Variants in HOXD1 observed in about 807,000 individuals in gnomAD.
HOXD1 encodes the protein homeobox D1.
A neutral mutation model predicts 19.9 loss-of-function variants in HOXD1; 17 were observed. That is an observed-to-expected ratio of 0.85 (90% confidence interval 0.58 to 1.28). The LOEUF is 1.28. HOXD1 is among the 50% of genes most tolerant of loss of function. The pLI, the probability that HOXD1 is intolerant of heterozygous loss-of-function variation, is 0.00. For synonymous variants in HOXD1, 239 were observed against 216.0 expected (o/e 1.11, Z -0.93); for missense variants, 500 against 460.1 (o/e 1.09, Z -0.79).
At position 176,190,295 on chromosome 2, in the gene HOXD1, C is replaced by T. The variant is rs1235383129; in HGVS notation, c.*153C>T. On this transcript the variant is annotated 3_prime_UTR_variant, in exon 2 of 2. Transcript: ENST00000331462. ...GAAATGAAGTACTTTAGTTGGCTTC[C>T]GAGTTCCAGACTATATGTCCAGATA... 4 of 609,626 alleles carry T rather than the reference C, an allele frequency of 6.6e-6. No homozygotes were observed. The highest frequency in any genetic ancestry group is 5.6e-5 in the African/African-American group (3 of 53,910). 37.8% of individuals were successfully genotyped at this position (609,626 alleles called of 1,614,324 possible). A position where few individuals can be genotyped will look rare whatever the true frequency, so the allele number is the denominator to read the frequency against.
rs374798193 is a variant in HOXD1, at chr2:176,189,802, T to C, written c.653-6T>C. 7 of 1,612,992 alleles carry C rather than the reference T, an allele frequency of 4.3e-6. No individual in the cohort carries two copies. In the African/African-American group the frequency reaches 9.3e-5, roughly 22 times the overall value. ...GCCTGGCTGACGCCCTGTCTTTACG[T>C]TGCAGGCAAACTCGCCGAGTATGGG... is the stretch of plus-strand genomic sequence containing the variant. On this transcript the variant is annotated splice_region_variant and splice_polypyrimidine_tract_variant and intron_variant, in intron 1 of 1. Transcript: ENST00000331462.
In HOXD1 at chr2:176,188,748, C is replaced by G. The variant is rs757163844; in HGVS notation, c.-54C>G. ...GGCGGCAGTCCTGCTCAGCCTCTGC[C>G]CGGCTCCGTACTCCGGCCCCGGCCT... is the stretch of plus-strand genomic sequence containing the variant. On this transcript the variant is annotated 5_prime_UTR_variant, in exon 1 of 2. Transcript: ENST00000331462. 5.7e-6 allele frequency: 9 copies of G among 1,567,572 alleles called. No individual in the cohort carries two copies. The highest frequency in any genetic ancestry group is 2.7e-5 in the African/African-American group (2 of 73,512).
Position 176,188,825 on chromosome 2 carries a change from G to C in HOXD1, c.24G>C (p.Val8=). Residue 8 remains valine, a synonymous_variant, in exon 1 of 2, where the codon GTG becomes GTC. Coordinates refer to ENST00000331462, the MANE Select transcript of HOXD1 (RefSeq NM_024501.3). ...CCATGAGCTCCTACCTGGAGTACGTGTCATGCAGCAGCAGCGGCGGGGTCG... is the reference window on the plus strand; with the variant it reads ...CCATGAGCTCCTACCTGGAGTACGTCTCATGCAGCAGCAGCGGCGGGGTCG... The part of the protein sequence containing the change: MSSYLEY[V]SCSSSGGVGG... The C allele has an allele frequency of 6.2e-7, 1 of 1,608,984 alleles. No homozygotes were observed. The highest frequency in any genetic ancestry group is 8.5e-7 in the Non-Finnish European group (1 of 1,178,334).
In HOXD1 at chr2:176,189,224, G is replaced by T; in HGVS notation, c.423G>T (p.Ser141=). The T allele has an allele frequency of 6.3e-7, 1 of 1,589,718 alleles. No homozygotes were observed. The highest frequency in any genetic ancestry group is 2.3e-5 in the East Asian group (1 of 43,340). ...ACTACGCCACCTCGGCCGTCTTCTC[G>T]GGCGGCGGCTCTTTCCTCCTCAGCG... The part of the protein sequence containing the change: ...HVHYATSAVF[S]GGGSFLLSGQ... The change falls in exon 1 of 2, where the codon TCG becomes TCT. Residue 141 remains serine (S), a synonymous_variant. Coordinates refer to ENST00000331462, the MANE Select transcript of HOXD1 (RefSeq NM_024501.3).
chr2:176,188,753 T>C lies in HOXD1; in HGVS notation c.-49T>C, dbSNP rs1691719203. ...CAGTCCTGCTCAGCCTCTGCCCGGCTCCGTACTCCGGCCCCGGCCTGCGCC... is the reference window on the plus strand; with the variant it reads ...CAGTCCTGCTCAGCCTCTGCCCGGCCCCGTACTCCGGCCCCGGCCTGCGCC... On this transcript the variant is annotated 5_prime_UTR_variant, in exon 1 of 2. Coordinates refer to ENST00000331462, the MANE Select transcript of HOXD1 (RefSeq NM_024501.3). The C allele has an allele frequency of 1.3e-6, 2 of 1,574,334 alleles. No individual in the cohort carries two copies. The highest frequency in any genetic ancestry group is 1.7e-6 in the Non-Finnish European group (2 of 1,156,678).
In HOXD1 at chr2:176,189,882, G is replaced by C. The variant is rs779462638; in HGVS notation, c.727G>C (p.Glu243Gln). The C allele has an allele frequency of 6.2e-7, 1 of 1,614,176 alleles. No homozygotes were observed. The highest frequency in any genetic ancestry group is 1.1e-5 in the South Asian group (1 of 91,082). The part of the protein sequence containing the change: ...RTNFSTKQLT[E>Q]LEKEFHFNKY... ...GAATTTCAGCACCAAGCAACTGACA[G>C]AACTGGAAAAAGAGTTTCATTTCAA... The change falls in exon 2 of 2, where the codon GAA becomes CAA. Residue 243 changes from glutamate (E) to glutamine (Q), a missense_variant. Transcript: ENST00000331462.
chr2:176,189,068 G>A lies in HOXD1; in HGVS notation c.267G>A (p.Gly89=), dbSNP rs754155260. The change falls in exon 1 of 2, where the codon GGG becomes GGA. Residue 89 remains glycine, a synonymous_variant. Coordinates refer to ENST00000331462, the MANE Select transcript of HOXD1 (RefSeq NM_024501.3). ...AGTACGCGCAGTGCACCCTGGAGGG[G>A]GCCTACGAACCTGGTGCCGCACCTG... ...APQYAQCTLE[G]AYEPGAAPAA... is the part of the protein sequence containing the mutation. 45 of 1,481,092 alleles carry A rather than the reference G, an allele frequency of 3.0e-5. No homozygotes were observed. In the South Asian group the frequency reaches 5.8e-4, roughly 19 times the overall value. The allele number at this position is 1,481,092 out of a possible 1,614,324, so 91.7% of individuals were successfully genotyped here.
chr2:176,190,698 A>G lies in HOXD1; in HGVS notation c.*556A>G, dbSNP rs887945190. On this transcript the variant is annotated 3_prime_UTR_variant, in exon 2 of 2. Transcript: ENST00000331462. ...CTCTATGTGCCTGAGTGATGATACA[A>G]TCGCTGTTTAGTTACTAGATGAACA... 2.0e-5 allele frequency: 3 copies of G among 152,750 alleles called. No individual in the cohort carries two copies. The highest frequency in any genetic ancestry group is 1.3e-4 in the Admixed American group (2 of 15,284). 9.5% of individuals were successfully genotyped at this position (152,750 alleles called of 1,614,324 possible).
rs983857113 is a variant in HOXD1 at position 176,188,685 on chromosome 2, G to A, written c.-117G>A. ...GCTCACTCGCCATGGGTTGGAGAGG[G>A]CAGCTCGGGTAGAGAGGGCTGGCGG... On this transcript the variant is annotated 5_prime_UTR_variant, in exon 1 of 2. Transcript: ENST00000331462. 20 of 1,074,744 alleles carry A rather than the reference G, an allele frequency of 1.9e-5. No homozygotes were observed. The highest frequency in any genetic ancestry group is 2.3e-4 in the Middle Eastern group (1 of 4,376). 66.6% of individuals were successfully genotyped at this position (1,074,744 alleles called of 1,614,324 possible). A position where few individuals can be genotyped will look rare whatever the true frequency, so the allele number is the denominator to read the frequency against.
At position 176,188,922 on chromosome 2, in the gene HOXD1, T is replaced by A; in HGVS notation, c.121T>A (p.Phe41Ile). 1 of 1,582,192 alleles carries A rather than the reference T, an allele frequency of 6.3e-7. No individual in the cohort carries two copies. The highest frequency in any genetic ancestry group is 1.4e-5 in the African/African-American group (1 of 73,390). Residue 41 changes from phenylalanine to isoleucine, a missense_variant, in exon 1 of 2, where the codon TTC becomes ATC. Physicochemically the swap from Phe to Ile is conservative, Grantham distance 21 (BLOSUM62 0). Coordinates refer to ENST00000331462, the MANE Select transcript of HOXD1 (RefSeq NM_024501.3). ...CCGGCCCGTGGCTCTGCAGCCCGCC[T>A]TCCCTCTGGGCAACGGCGACGGCGC... ...DARPVALQPA[F>I]PLGNGDGAFV... is the part of the protein sequence containing the mutation.
In HOXD1 at chr2:176,190,484, A is replaced by C; in HGVS notation, c.*342A>C. ...CCATTAGTTGCTGAGTTCTGTCAGC[A>C]CTCTGATGTGCTCAGAAGAGCACCT... On this transcript the variant is annotated 3_prime_UTR_variant, in exon 2 of 2. Coordinates refer to ENST00000331462, the MANE Select transcript of HOXD1 (RefSeq NM_024501.3). 3.4e-6 allele frequency: 1 copy of C among 290,820 alleles called. No individual in the cohort carries two copies. The allele number at this position is 290,820 out of a possible 1,614,324, so 18.0% of individuals were successfully genotyped here. A position where few individuals can be genotyped will look rare whatever the true frequency, so the allele number is the denominator to read the frequency against.
rs558646329 is a variant in HOXD1, at chr2:176,189,840, T to A, written c.685T>A (p.Ser229Thr). Residue 229 changes from serine to threonine, a missense_variant, in exon 2 of 2, where the codon TCC becomes ACC. Transcript: ENST00000331462. ...KLAEYGAASP[S>T]SAIRTNFSTK... ...CGCCGAGTATGGGGCCGCTAGCCCCTCCAGCGCGATCCGCACGAATTTCAG... is the reference window on the plus strand; with the variant it reads ...CGCCGAGTATGGGGCCGCTAGCCCCACCAGCGCGATCCGCACGAATTTCAG... 5 of 1,614,084 alleles carry A rather than the reference T, an allele frequency of 3.1e-6. No individual in the cohort carries two copies. Among genetic ancestry groups the A allele is most frequent in the Non-Finnish European group, 4.2e-6 (5 of 1,180,014 alleles).
Position 176,189,202 on chromosome 2 carries a change from A to G in HOXD1, c.401A>G (p.Tyr134Cys), listed in dbSNP as rs771831751. Reference sequence around the variant, plus strand: ...GACGACGGCGGGTCTCACGTCCACTACGCCACCTCGGCCGTCTTCTCGGGC... The same window carrying G: ...GACGACGGCGGGTCTCACGTCCACTGCGCCACCTCGGCCGTCTTCTCGGGC... ...AADDGGSHVH[Y>C]ATSAVFSGGG... The change falls in exon 1 of 2, where the codon TAC (tyrosine) becomes TGC (cysteine). Residue 134 changes from tyrosine to cysteine, a missense_variant. Coordinates refer to ENST00000331462, the MANE Select transcript of HOXD1 (RefSeq NM_024501.3). 3.8e-6 allele frequency: 6 copies of G among 1,581,502 alleles called. No homozygotes were observed. In the South Asian group the frequency reaches 4.6e-5, roughly 12 times the overall value.
In HOXD1 at chr2:176,189,089, A is replaced by C. The variant is rs1160352168; in HGVS notation, c.288A>C (p.Ala96=). The change falls in exon 1 of 2, where the codon GCA becomes GCC. Residue 96 remains alanine, a synonymous_variant. Coordinates refer to ENST00000331462, the MANE Select transcript of HOXD1 (RefSeq NM_024501.3). ...TLEGAYEPGA[A]PAAAAGGADY... ...AGGGGGCCTACGAACCTGGTGCCGC[A>C]CCTGCCGCGGCAGCTGGGGGCGCGG... is the stretch of plus-strand genomic sequence containing the variant. The C allele has an allele frequency of 2.7e-6, 4 of 1,507,872 alleles. No homozygotes were observed. The highest frequency in any genetic ancestry group is 2.2e-4 in the Middle Eastern group (1 of 4,574). The allele number at this position is 1,507,872 out of a possible 1,614,324, so 93.4% of individuals were successfully genotyped here.
In HOXD1 at chr2:176,189,013, G is replaced by A. The variant is rs1575004086; in HGVS notation, c.212G>A (p.Arg71Gln). ...PSPSPPAAPA[R>Q]PSVPPPAAPQ... is the part of the protein sequence containing the mutation. The stretch of plus-strand genomic sequence containing the variant: ...CCTTCGCCCCCGGCCGCCCCCGCGC[G>A]GCCGTCCGTACCGCCTCCGGCCGCG... Residue 71 changes from arginine to glutamine, a missense_variant, in exon 1 of 2, where the codon CGG (arginine) becomes CAG (glutamine). Arg to Gln is a conservative substitution (Grantham distance 43, BLOSUM62 1). Transcript: ENST00000331462. 2 of 1,416,754 alleles carry A rather than the reference G, an allele frequency of 1.4e-6. No individual in the cohort carries two copies. The highest frequency in any genetic ancestry group is 1.8e-6 in the Non-Finnish European group (2 of 1,099,588). 87.8% of individuals were successfully genotyped at this position (1,416,754 alleles called of 1,614,324 possible).
chr2:176,189,936 G>C lies in HOXD1; in HGVS notation c.781G>C (p.Glu261Gln). The C allele has an allele frequency of 6.2e-7, 1 of 1,614,144 alleles. No homozygotes were observed. ...NKYLTRARRI[E>Q]IANCLHLNDT... Reference sequence around the variant, plus strand: ...GTACTTAACTCGAGCCCGGCGCATCGAGATAGCCAACTGCTTGCACCTGAA... The same window carrying C: ...GTACTTAACTCGAGCCCGGCGCATCCAGATAGCCAACTGCTTGCACCTGAA... Residue 261 changes from glutamate (E) to glutamine (Q), a missense_variant, in exon 2 of 2, where the codon GAG becomes CAG. Coordinates refer to ENST00000331462, the MANE Select transcript of HOXD1 (RefSeq NM_024501.3).
Position 176,188,713 on chromosome 2 carries a change from C to G in HOXD1, c.-89C>G. 1 of 1,353,638 alleles carries G rather than the reference C, an allele frequency of 7.4e-7. No homozygotes were observed. Among genetic ancestry groups the G allele is most frequent in the Non-Finnish European group, 1.0e-6 (1 of 971,218 alleles). The allele number at this position is 1,353,638 out of a possible 1,614,324, so 83.9% of individuals were successfully genotyped here. ...GCTCGGGTAGAGAGGGCTGGCGGAG[C>G]GGCGCAGACGGCGGCAGTCCTGCTC... On this transcript the variant is annotated 5_prime_UTR_variant, in exon 1 of 2. Transcript: ENST00000331462.
rs774221781 is a variant in HOXD1 at position 176,189,946 on chromosome 2, A to G, written c.791A>G (p.Asn264Ser). 2.5e-6 allele frequency: 4 copies of G among 1,614,070 alleles called. No individual in the cohort carries two copies. The highest frequency in any genetic ancestry group is 1.7e-6 in the Non-Finnish European group (2 of 1,180,038). Reference sequence around the variant, plus strand: ...CGAGCCCGGCGCATCGAGATAGCCAACTGCTTGCACCTGAATGACACGCAA... The same window carrying G: ...CGAGCCCGGCGCATCGAGATAGCCAGCTGCTTGCACCTGAATGACACGCAA... ...LTRARRIEIA[N>S]CLHLNDTQVK... Residue 264 changes from asparagine to serine, a missense_variant, in exon 2 of 2, where the codon AAC becomes AGC. By Grantham distance (46) the Asn-to-Ser change is conservative. Coordinates refer to ENST00000331462, the MANE Select transcript of HOXD1 (RefSeq NM_024501.3).
chr2:176,190,248 A>C lies in HOXD1; in HGVS notation c.*106A>C. On this transcript the variant is annotated 3_prime_UTR_variant, in exon 2 of 2. Transcript: ENST00000331462. ...TTTGGGATGGAGGTGGGAGAACAAAAATGAATAGGGATTTCACTTGGGAAA... is the reference window on the plus strand; with the variant it reads ...TTTGGGATGGAGGTGGGAGAACAAACATGAATAGGGATTTCACTTGGGAAA... 2 of 716,010 alleles carry C rather than the reference A, an allele frequency of 2.8e-6. No homozygotes were observed. Among genetic ancestry groups the C allele is most frequent in the Non-Finnish European group, 4.8e-6 (2 of 419,132 alleles). The allele number at this position is 716,010 out of a possible 1,614,324, so 44.4% of individuals were successfully genotyped here.
Sources: allele counts gnomAD v4.1 joint callset, GRCh38; gene constraint gnomAD v4.1.1; transcripts MANE v1.5; gene names NCBI Gene and HGNC (gene_info 2026-07-23, HGNC 2026-07-21).